SKAP1: variants seen among roughly 807,000 people sequenced by gnomAD.
SKAP1 encodes src kinase associated phosphoprotein 1.
Under a neutral mutation model 58.5 loss-of-function variants are expected in SKAP1, and 44 were observed. The ratio of observed to expected loss-of-function variants is 0.75; its 90% CI spans 0.59 to 0.97. The LOEUF (loss-of-function observed/expected upper bound fraction) is 0.97, where lower values mean the gene tolerates loss of function less well. SKAP1 is among the 50% of genes least tolerant of loss of function. The pLI, the probability that SKAP1 is intolerant of heterozygous loss-of-function variation, is 0.00. For synonymous variants in SKAP1, 127 were observed against 149.7 expected (o/e 0.85, Z 1.11); for missense variants, 390 against 435.2 (o/e 0.90, Z 0.92).
intron 4 of SKAP1, among the ~76,000 whole-genome samples, chr17:48,309,193 T>C (rs892354526): frequency 1.2e-4 from 18 of 152,068 alleles, no homozygotes; most frequent in Non-Finnish European, 1.5e-5. Flanking sequence ...ATCATTTTAC[T>C]AAAGCAAAAA....
chr17:48,404,103 A>G (rs2067538352), intron 1 of SKAP1, among the ~76,000 whole-genome samples: 1 of 150,454 alleles, frequency 6.6e-6, no homozygotes. Flanking sequence ...AAAAAAAAAA[A>G]AAATAGAAAT....
chr17:48,415,610 AG>A (rs1354317987), intron 1 of SKAP1, among the ~76,000 whole-genome samples: 1 of 152,154 alleles, frequency 6.6e-6, no homozygotes, highest in Non-Finnish European at 1.5e-5. Context: ...GGAGTGCAGG[AG>A]AGGGAAAGAA....
At chr17:48,373,468 G>A (rs944956217) in intron 2 of SKAP1, among the ~76,000 whole-genome samples, 19 of 152,108 alleles carry the variant, frequency 1.2e-4, no homozygotes, top group Admixed American at 3.3e-4. Flanking sequence ...CAGAGCCCAA[G>A]CTCTTAAATT....
At chr17:48,366,685 T>C (rs1169283231) in intron 2 of SKAP1, among the ~76,000 whole-genome samples, 1 of 152,188 alleles carries the variant, frequency 6.6e-6, no homozygotes, top group African/African-American at 2.4e-5. Context: ...CTGTAAAACA[T>C]AGCTAATCAA....
At chr17:48,184,925 T>C in intron 6 of SKAP1, 78 bp from the exon 7 acceptor site, 2 of 1,429,296 alleles carry the variant, frequency 1.4e-6, no homozygotes, top group Middle Eastern at 2.5e-4. Flanking sequence ...GTATGTAAAA[T>C]AAAAGCACAG....
chr17:48,326,155 T>C (rs907122860), intron 4 of SKAP1, among the ~76,000 whole-genome samples: 1 of 152,222 alleles, frequency 6.6e-6, no homozygotes, highest in Non-Finnish European at 1.5e-5. Flanking sequence ...AAAGCATAAA[T>C]AATTTGACCT....
chr17:48,348,848 G>A (rs894681528), intron 3 of SKAP1, among the ~76,000 whole-genome samples: 1 of 152,194 alleles, frequency 6.6e-6, no homozygotes, highest in Non-Finnish European at 1.5e-5. Context: ...GCCACCCCTG[G>A]TGTCAAACAT....
chr17:48,150,505 GAT>G (rs1288585929), intron 11 of SKAP1, among the ~76,000 whole-genome samples: 1 of 152,212 alleles, frequency 6.6e-6, no homozygotes, highest in Non-Finnish European at 1.5e-5. Context: ...GGTGTTTATA[GAT>G]GCTCTGTTTG....
chr17:48,248,196 A>C (rs2065318459), intron 4 of SKAP1, among the ~76,000 whole-genome samples: 1 of 152,194 alleles, frequency 6.6e-6, no homozygotes, highest in Admixed American at 6.5e-5. Flanking sequence ...AGGAACAGGT[A>C]GTCTTCTTAG....
At chr17:48,249,267 T>C (rs1272455356) in intron 4 of SKAP1, among the ~76,000 whole-genome samples, 1 of 152,102 alleles carries the variant, frequency 6.6e-6, no homozygotes, top group Non-Finnish European at 1.5e-5. Context: ...CCTAAAAAGG[T>C]GATTTAGAAT....
intron 4 of SKAP1, among the ~76,000 whole-genome samples, chr17:48,241,474 T>C (rs541743978): frequency 3.0e-4 from 45 of 152,330 alleles, no homozygotes; most frequent in Admixed American, 2.9e-3. Context: ...GAACAGATCA[T>C]CTGAAGTCTT....
intron 4 of SKAP1, among the ~76,000 whole-genome samples, chr17:48,337,449 G>A (rs2066588524): frequency 6.6e-6 from 1 of 152,090 alleles, no homozygotes; most frequent in African/African-American, 2.4e-5. Flanking sequence ...TGCTCACTAA[G>A]GAATCACATC....
intron 4 of SKAP1, among the ~76,000 whole-genome samples, chr17:48,333,116 C>T (rs2066526901): frequency 6.6e-6 from 1 of 152,080 alleles, no homozygotes; most frequent in African/African-American, 2.4e-5. Flanking sequence ...ACTGTAACAG[C>T]CATAATTTCA....
At chr17:48,337,298 C>T (rs985075746) in intron 4 of SKAP1, among the ~76,000 whole-genome samples, 4 of 152,148 alleles carry the variant, frequency 2.6e-5, no homozygotes, top group African/African-American at 7.2e-5. Context: ...TAGACTAAGA[C>T]GTGGTTCAGC....
intron 11 of SKAP1, among the ~76,000 whole-genome samples, chr17:48,160,236 T>A (rs554312278): frequency 2.0e-5 from 3 of 152,220 alleles, no homozygotes; most frequent in African/African-American, 7.2e-5. Flanking sequence ...CTCAAGTGAT[T>A]CTCCCAGCTC....
chr17:48,261,813 T>C (rs2065488396), intron 4 of SKAP1, among the ~76,000 whole-genome samples: 1 of 147,362 alleles, frequency 6.8e-6, no homozygotes, highest in Non-Finnish European at 1.5e-5. Context: ...CCTTTTGTTT[T>C]ATGGTGGGGG....
chr17:48,325,408 C>T (rs1162257455), intron 4 of SKAP1, among the ~76,000 whole-genome samples: 1 of 152,078 alleles, frequency 6.6e-6, no homozygotes, highest in African/African-American at 2.4e-5. Context: ...GCTTACTACT[C>T]TGTAGTCAAA....
intron 4 of SKAP1, among the ~76,000 whole-genome samples, chr17:48,200,559 G>T (rs537877857): frequency 6.6e-6 from 1 of 152,124 alleles, no homozygotes; most frequent in African/African-American, 2.4e-5. Context: ...TGTATTTTTA[G>T]TAGAGACGGG....
At chr17:48,290,692 CAT>C (rs2065888496) in intron 4 of SKAP1, among the ~76,000 whole-genome samples, 1 of 152,130 alleles carries the variant, frequency 6.6e-6, no homozygotes, top group South Asian at 2.1e-4. Context: ...TTTCCACTGA[CAT>C]ATCTCCAGTG....
Sources: allele counts gnomAD v4.1 joint callset (sites outside exome capture counted in the v4.1 genomes callset), GRCh38; gene constraint gnomAD v4.1.1; transcripts MANE v1.5; gene names NCBI Gene and HGNC (gene_info 2026-07-23, HGNC 2026-07-21).